EFCAB5: variants seen among roughly 807,000 people sequenced by gnomAD.
The protein encoded by EFCAB5 is EF-hand calcium binding domain 5, also known as EF-hand calcium-binding domain-containing protein 5.
EFCAB5 carries 131 observed loss-of-function variants against 167.9 expected under a neutral mutation model. The ratio of observed to expected loss-of-function variants is 0.78; its 90% CI spans 0.68 to 0.90. The LOEUF is 0.90. EFCAB5 is among the 40% of genes least tolerant of loss of function. The probability of loss-of-function intolerance (pLI) is 0.00; values close to 1 mark genes in which losing one functional copy is unlikely to be tolerated. For synonymous variants in EFCAB5, 574 were observed against 602.8 expected, an observed-to-expected ratio of 0.95 and a Z score of 0.70; for missense variants, 1,663 against 1,745.2, an observed-to-expected ratio of 0.95 and a Z score of 0.84.
chr17:30,021,218 T>G (rs1434170662), intron 7 of EFCAB5, among the ~76,000 whole-genome samples: 1 of 151,184 alleles, frequency 6.6e-6, no homozygotes, highest in Non-Finnish European at 1.5e-5. Context: ...TAGAACTCCA[T>G]CTACAAAGAT....
At chr17:30,089,363 A>G (rs908343680) in intron 19 of EFCAB5, among the ~76,000 whole-genome samples, 2 of 152,208 alleles carry the variant, frequency 1.3e-5, no homozygotes, top group Non-Finnish European at 2.9e-5. Context: ...GGAATAGCAG[A>G]AGGACATCAT....
At chr17:30,102,288 T>C (rs776835380) in intron 22 of EFCAB5, among the ~76,000 whole-genome samples, 1 of 152,180 alleles carries the variant, frequency 6.6e-6, no homozygotes, top group Non-Finnish European at 1.5e-5. Context: ...GTTGGGACTT[T>C]GAGGCAATGG....
chr17:30,080,870 T>C lies in EFCAB5; in HGVS notation c.3315T>C (p.Ala1105=). The C allele has an allele frequency of 6.2e-7, 1 of 1,613,914 alleles. No individual in the cohort carries two copies. The highest frequency in any genetic ancestry group is 8.5e-7 in the Non-Finnish European group (1 of 1,179,848). Residue 1105 remains alanine (A), a synonymous_variant, in exon 17 of 23, where the codon GCT becomes GCC. Transcript: ENST00000394835. ...NKHDYNGSFL[A]LPLQDAYMRI... is the part of the protein sequence containing the mutation. Reference sequence around the variant, plus strand: ...ATGATTATAATGGTTCATTCCTGGCTCTGCCTCTTCAAGATGCATATATGA... The same window carrying C: ...ATGATTATAATGGTTCATTCCTGGCCCTGCCTCTTCAAGATGCATATATGA...
In EFCAB5 at chr17:30,092,049, G is replaced by A; in HGVS notation, c.4116G>A (p.Leu1372=). The change falls in exon 21 of 23, where the codon TTG becomes TTA. Residue 1372 remains leucine, a synonymous_variant. Transcript: ENST00000394835. ...NSPQDSKSME[L]EANVKLVRDI... ...CTCAAGACAGCAAATCTATGGAGTT[G>A]GAAGCCAACGTGAAACTAGTGCGTG... The A allele has an allele frequency of 1.9e-6, 3 of 1,613,888 alleles. No individual in the cohort carries two copies. The highest frequency in any genetic ancestry group is 2.5e-6 in the Non-Finnish European group (3 of 1,179,852).
Position 30,053,455 on chromosome 17 carries a change from C to G in EFCAB5, c.1501C>G (p.Pro501Ala). The stretch of plus-strand genomic sequence containing the variant: ...ACTTAACGAACAGAGAACATCAACA[C>G]CATCACCAAACCCGCCAGAACAGCA... ...PKLNEQRTST[P>A]SPNPPEQQRG... Residue 501 changes from proline to alanine, a missense_variant, in exon 10 of 23, where the codon CCA becomes GCA. By Grantham distance (27) the Pro-to-Ala change is conservative. Transcript: ENST00000394835. 1 of 1,613,954 alleles carries G rather than the reference C, an allele frequency of 6.2e-7. No homozygotes were observed. Among genetic ancestry groups the G allele is most frequent in the Non-Finnish European group, 8.5e-7 (1 of 1,179,896 alleles).
rs76159080 is a variant in EFCAB5, at chr17:30,039,559, G to C, written c.1200+5174G>C. On this transcript the variant is annotated intron_variant, in intron 8 of 22. Coordinates refer to ENST00000394835, the MANE Select transcript of EFCAB5 (RefSeq NM_198529.4). ...CCACTGCCACCCCTGCATCTTGCTT[G>C]TGGTGGAGGTACCAAGATACCCCAA... 1.6e-4 allele frequency among the ~76,000 whole-genome samples: 24 copies of C among 152,304 alleles called. No individual in the cohort carries two copies. In the East Asian group the frequency reaches 4.6e-3, roughly 29 times the overall value.
rs139290678 is a variant in EFCAB5, at chr17:30,080,152, G to C, written c.3108G>C (p.Gly1036=). 7 of 1,613,914 alleles carry C rather than the reference G, an allele frequency of 4.3e-6. No homozygotes were observed. In the East Asian group the frequency reaches 1.6e-4, roughly 36 times the overall value. The change falls in exon 16 of 23, where the codon GGG becomes GGC. Residue 1036 remains glycine, a synonymous_variant. Transcript: ENST00000394835. ...LEENLLLPEK[G]NVLLRNVACT... ...AAAACCTACTACTGCCTGAGAAAGG[G>C]AATGTTCTATTGAGGAATGTGGCTT...
At chr17:30,046,480 A>T (rs1226947709) in intron 8 of EFCAB5, among the ~76,000 whole-genome samples, 1 of 152,166 alleles carries the variant, frequency 6.6e-6, no homozygotes, top group East Asian at 1.9e-4. Context: ...ATTATATAGA[A>T]ATCTCTATTT....
chr17:30,101,455 C>T (rs780216101), intron 22 of EFCAB5, among the ~76,000 whole-genome samples: 1 of 152,102 alleles, frequency 6.6e-6, no homozygotes, highest in African/African-American at 2.4e-5. Flanking sequence ...ATGGAGAACA[C>T]GTAGGTGGAG....
At chr17:30,080,365 T>A in intron 16 of EFCAB5, 124 bp downstream of exon 16, 1 of 1,038,274 alleles carries the variant, frequency 9.6e-7, no homozygotes, top group Non-Finnish European at 1.3e-6. Flanking sequence ...CCAGTGCTTC[T>A]GGAGTAGAAG....
At chr17:30,051,019 G>T (rs1006922331) in intron 8 of EFCAB5, 99 bp from the exon 9 acceptor site, 1 of 844,000 alleles carries the variant, frequency 1.2e-6, no homozygotes, top group Non-Finnish European at 1.9e-6. Context: ...GATTGTTGTG[G>T]TGATAGTGAT....
At chr17:29,997,314 T>C (rs549546543) in intron 6 of EFCAB5, among the ~76,000 whole-genome samples, 37 of 152,096 alleles carry the variant, frequency 2.4e-4, no homozygotes, top group Admixed American at 1.0e-3. Flanking sequence ...TTGTTACGAC[T>C]TCGCTAGAAG....
intron 14 of EFCAB5, among the ~76,000 whole-genome samples, chr17:30,062,628 G>A (rs1014051818): frequency 2.0e-5 from 3 of 152,094 alleles, no homozygotes; most frequent in Admixed American, 6.5e-5. Flanking sequence ...TTGGAACTAC[G>A]GCTGGAGTGT....
chr17:30,095,906 C>G (rs184686852), intron 22 of EFCAB5, among the ~76,000 whole-genome samples: 19 of 152,332 alleles, frequency 1.2e-4, no homozygotes, highest in African/African-American at 4.1e-4. Context: ...AAGGAAAAAA[C>G]TTGCCATCGC....
At chr17:29,937,362 T>C (rs573080847), upstream of EFCAB5, among the ~76,000 whole-genome samples, 142 of 152,186 alleles carry the variant, frequency 9.3e-4, no homozygotes, top group African/African-American at 3.3e-3. Flanking sequence ...AATTTTCATA[T>C]TTTTAGTAGA....
intron 14 of EFCAB5, chr17:30,069,089 C>T: frequency 6.9e-7 from 1 of 1,443,164 alleles, no homozygotes; most frequent in East Asian, 2.3e-5. Flanking sequence ...GAACAAAGAG[C>T]CATCCGAGTT....
chr17:29,999,797 A>G, intron 6 of EFCAB5, 109 bp from the exon 7 acceptor site: 1 of 649,968 alleles, frequency 1.5e-6, no homozygotes, highest in South Asian at 4.2e-5. Context: ...AATTATGGTT[A>G]GACATTAGCT....
At chr17:30,081,987 A>C (rs2070996408) in intron 17 of EFCAB5, among the ~76,000 whole-genome samples, 1 of 152,176 alleles carries the variant, frequency 6.6e-6, no homozygotes, top group African/African-American at 2.4e-5. Flanking sequence ...AAGGCATATA[A>C]TTTTGAAGAG....
At chr17:29,942,913 G>C (rs758997001) in intron 2 of EFCAB5, among the ~76,000 whole-genome samples, 9 of 151,894 alleles carry the variant, frequency 5.9e-5, no homozygotes, top group Non-Finnish European at 1.2e-4. Flanking sequence ...TGGTGCATGC[G>C]TGTAATCCTA....
Sources: allele counts gnomAD v4.1 joint callset (sites outside exome capture counted in the v4.1 genomes callset), GRCh38; gene constraint gnomAD v4.1.1; transcripts MANE v1.5; gene names NCBI Gene and HGNC (gene_info 2026-07-23, HGNC 2026-07-21).